TM2D1: variants seen among roughly 807,000 people sequenced by gnomAD.
The protein encoded by TM2D1 is TM2 domain containing 1.
In TM2D1, 15 loss-of-function variants were observed where a neutral mutation model predicts 28.4. That is an observed-to-expected ratio of 0.53 (90% CI 0.35 to 0.81). The LOEUF (loss-of-function observed/expected upper bound fraction) is 0.81, where lower values mean the gene tolerates loss of function less well. TM2D1 is among the 40% of genes least tolerant of loss of function. The probability of loss-of-function intolerance (pLI) is 0.01; values close to 1 mark genes in which losing one functional copy is unlikely to be tolerated. For synonymous variants in TM2D1, 93 were observed against 96.2 expected (o/e 0.97, Z 0.20); for missense variants, 236 against 254.9 (o/e 0.93, Z 0.50).
chr1:61,682,918 A>G (rs1644255592), intron 6 of TM2D1, among the ~76,000 whole-genome samples: 1 of 151,834 alleles, frequency 6.6e-6, no homozygotes, highest in Non-Finnish European at 1.5e-5. Flanking sequence ...AAAGAAAAAG[A>G]AAAAGATAAA....
intron 2 of TM2D1, among the ~76,000 whole-genome samples, chr1:61,722,362 G>A (rs1406426413): frequency 1.3e-5 from 2 of 151,976 alleles, no homozygotes; most frequent in East Asian, 1.9e-4. Flanking sequence ...GATATATTAC[G>A]CTTAAAGAAA....
intron 3 of TM2D1, among the ~76,000 whole-genome samples, 196 bp downstream of exon 3, chr1:61,709,133 C>G (rs915482207): frequency 6.6e-6 from 1 of 152,064 alleles, no homozygotes; most frequent in Non-Finnish European, 1.5e-5. Context: ...CCACTGCACT[C>G]CAGCCTGAGT....
chr1:61,701,436 G>A (rs12404858), intron 3 of TM2D1, among the ~76,000 whole-genome samples: 6 of 151,730 alleles, frequency 4.0e-5, no homozygotes, highest in African/African-American at 1.5e-4. Flanking sequence ...CCTGAGGGAA[G>A]TGAGTGAGAT....
At chr1:61,721,951 T>TG (rs1644570828) in intron 2 of TM2D1, among the ~76,000 whole-genome samples, 1 of 43,998 alleles carries the variant, frequency 2.3e-5, no homozygotes, top group Non-Finnish European at 4.0e-5. Flanking sequence ...TCTCTACAGC[T>TG]AAAAAAAAAA....
chr1:61,722,084 C>A (rs1383983305), intron 2 of TM2D1, among the ~76,000 whole-genome samples: 1 of 151,388 alleles, frequency 6.6e-6, no homozygotes, highest in Non-Finnish European at 1.5e-5. Flanking sequence ...CCAGCCTGGG[C>A]AACATGACGA....
chr1:61,686,085 C>T (rs1399162768), intron 5 of TM2D1, among the ~76,000 whole-genome samples: 1 of 152,152 alleles, frequency 6.6e-6, no homozygotes, highest in Non-Finnish European at 1.5e-5. Context: ...CTGTCTCTTT[C>T]TATAACTAGC....
At chr1:61,708,768 T>G (rs1476927764) in intron 3 of TM2D1, among the ~76,000 whole-genome samples, 1 of 152,056 alleles carries the variant, frequency 6.6e-6, no homozygotes, top group Non-Finnish European at 1.5e-5. Flanking sequence ...CTAACTGACC[T>G]GAATTAACAT....
intron 5 of TM2D1, among the ~76,000 whole-genome samples, chr1:61,685,279 T>G (rs1217780224): frequency 6.6e-6 from 1 of 152,240 alleles, no homozygotes; most frequent in East Asian, 1.9e-4. Context: ...ATTTATATTC[T>G]GTTGGATACA....
At chr1:61,697,232 GTAATGATTAAACCTTCAAGTTTTTT>G (rs1461502401) in intron 4 of TM2D1, among the ~76,000 whole-genome samples, 2 of 151,086 alleles carry the variant, frequency 1.3e-5, no homozygotes, top group Admixed American at 6.6e-5. Context: ...GTAAGTCACT[GTAATGATTAAACCTTCAAGTTTTTT>G]TTTTAACAGT....
chr1:61,718,099 C>T (rs1015313953), intron 2 of TM2D1, among the ~76,000 whole-genome samples: 7 of 152,110 alleles, frequency 4.6e-5, no homozygotes, highest in Admixed American at 2.0e-4. Flanking sequence ...AAGTGGATTG[C>T]TTGAGCTCAG....
chr1:61,719,825 C>G (rs1191313562), intron 2 of TM2D1, among the ~76,000 whole-genome samples: 1 of 152,110 alleles, frequency 6.6e-6, no homozygotes, highest in African/African-American at 2.4e-5. Context: ...TACTCTTATT[C>G]TTCTAACTTT....
chr1:61,690,283 C>A (rs909324226), intron 5 of TM2D1, among the ~76,000 whole-genome samples: 1 of 151,532 alleles, frequency 6.6e-6, no homozygotes, highest in East Asian at 1.9e-4. Context: ...ATGGTGAAAC[C>A]CTGTCTCTAC....
At chr1:61,717,563 G>GTT (rs59394515) in intron 2 of TM2D1, among the ~76,000 whole-genome samples, 290 of 151,710 alleles carry the variant, frequency 1.9e-3, no homozygotes, top group South Asian at 5.6e-3. Flanking sequence ...CAACAGTGTG[G>GTT]TTTTTTTTGT....
At chr1:61,682,889 T>C (rs1482906256) in intron 6 of TM2D1, among the ~76,000 whole-genome samples, 2 of 126,812 alleles carry the variant, frequency 1.6e-5, no homozygotes, top group Non-Finnish European at 3.2e-5. Context: ...CAAGACTCTG[T>C]CTCAAAAAAA....
chr1:61,709,798 T>C lies in TM2D1; in HGVS notation c.239-361A>G, dbSNP rs192598012. Among the ~76,000 whole-genome samples the C allele has an allele frequency of 2.0e-4, 31 of 152,332 alleles. No homozygotes were observed. The East Asian group carries it at 5.2e-3, about 26-fold the overall frequency. On this transcript the variant is annotated intron_variant, in intron 2 of 6. Coordinates refer to ENST00000606498, the MANE Select transcript of TM2D1 (RefSeq NM_032027.3). ...ATACCTCTCAAATTTTTGTTGGTAA[T>C]ATGTTGGGCAATTTATCTATTAAAT... is the stretch of plus-strand genomic sequence containing the variant.
At chr1:61,700,070 A>G (rs1392410706) in intron 4 of TM2D1, 1 of 1,407,276 alleles carries the variant, frequency 7.1e-7, no homozygotes, top group Non-Finnish European at 9.2e-7. Context: ...GCAGAGTACT[A>G]CAGTAAATAA....
chr1:61,682,228 G>C (rs1644249565), intron 6 of TM2D1, among the ~76,000 whole-genome samples: 1 of 152,166 alleles, frequency 6.6e-6, no homozygotes, highest in South Asian at 2.1e-4. Context: ...CTTTGAGATA[G>C]AGTTGACTGA....
intron 3 of TM2D1, among the ~76,000 whole-genome samples, chr1:61,706,834 A>AGAAAGAAAGAAAGAAAGAAAGAAAG (rs1453464517): frequency 2.7e-5 from 4 of 146,376 alleles, no homozygotes; most frequent in Non-Finnish European, 6.0e-5. Flanking sequence ...TGTCTTAAAA[A>AGAAAGAAAGAAAGAAAGAAAGAAAG]AAAGAAAGAA....
intron 3 of TM2D1, among the ~76,000 whole-genome samples, chr1:61,704,864 A>C (rs536483040): frequency 6.6e-6 from 1 of 152,270 alleles, no homozygotes; most frequent in Non-Finnish European, 1.5e-5. Flanking sequence ...CATGAATTTG[A>C]GACAGAAAAG....
Sources: gnomAD v4.1 joint callset for allele counts (sites outside exome capture counted in the v4.1 genomes callset) on GRCh38, gnomAD v4.1.1 for gene constraint, MANE v1.5 for transcripts, NCBI Gene and HGNC (gene_info 2026-07-23, HGNC 2026-07-21) for gene names.